Variants in GUCY1A2 observed in about 807,000 individuals in gnomAD.
GUCY1A2 encodes the protein guanylate cyclase 1 soluble subunit alpha 2, also known as guanylate cyclase soluble subunit alpha-2.
Under a neutral mutation model 63.5 loss-of-function variants are expected in GUCY1A2, and 27 were observed. The observed-to-expected ratio is 0.43, with a 90% CI of 0.31 to 0.59. The LOEUF (loss-of-function observed/expected upper bound fraction) is 0.59, where lower values mean the gene tolerates loss of function less well. Ranked by LOEUF, GUCY1A2 falls within the 20% of genes least tolerant of loss-of-function variation. The pLI is 0.11. For missense variants in GUCY1A2, 768 were observed against 913.3 expected (o/e 0.84, Z 2.05); for synonymous variants, 364 against 343.5 (o/e 1.06, Z -0.66).
rs2135323048 is a variant in GUCY1A2, at chr11:106,675,616, TTACA to T, written c.*11929_*11932del. ...TTTCTCAACCATATTTCTTCTATTTTTACAATCATTATTAAAATATTTCCCTAAA... is the reference window on the plus strand; with the variant it reads ...TTTCTCAACCATATTTCTTCTATTTTATCATTATTAAAATATTTCCCTAAA... On this transcript the variant is annotated 3_prime_UTR_variant, in exon 8 of 8. Transcript: ENST00000526355. 1.1e-5 allele frequency: 2 copies of T among 187,794 alleles called. No homozygotes were observed. Among genetic ancestry groups the T allele is most frequent in the African/African-American group, 4.7e-5 (2 of 42,914 alleles). 11.6% of individuals were successfully genotyped at this position (187,794 alleles called of 1,614,324 possible).
intron 4 of GUCY1A2, among the ~76,000 whole-genome samples, chr11:106,900,993 G>A (rs1860125112): frequency 6.6e-6 from 1 of 152,118 alleles, no homozygotes; most frequent in Non-Finnish European, 1.5e-5. Flanking sequence ...TTGCCATATT[G>A]ATTGACCCTT....
At chr11:106,900,287 G>A (rs1025838008) in intron 4 of GUCY1A2, among the ~76,000 whole-genome samples, 2 of 152,034 alleles carry the variant, frequency 1.3e-5, no homozygotes, top group African/African-American at 4.8e-5. Context: ...GGGCTCCAGA[G>A]AGCCTCCTAC....
chr11:106,791,232 G>A (rs887603642), intron 5 of GUCY1A2, among the ~76,000 whole-genome samples: 6 of 152,168 alleles, frequency 3.9e-5, no homozygotes, highest in South Asian at 4.1e-4. Flanking sequence ...ATTCAGCCTG[G>A]TTTTGCTTTC....
chr11:106,976,106 T>A (rs1861258305), intron 3 of GUCY1A2, among the ~76,000 whole-genome samples: 1 of 152,138 alleles, frequency 6.6e-6, no homozygotes, highest in Admixed American at 6.6e-5. Flanking sequence ...AACGAACACA[T>A]TTCCAGACTC....
At chr11:106,864,378 ACTTCCTCT>A (rs1859559934) in intron 4 of GUCY1A2, among the ~76,000 whole-genome samples, 1 of 152,054 alleles carries the variant, frequency 6.6e-6, no homozygotes, top group African/African-American at 2.4e-5. Flanking sequence ...AGACAATTTG[ACTTCCTCT>A]CTTCCTATTT....
At chr11:106,777,357 G>A (rs1864375582) in intron 5 of GUCY1A2, among the ~76,000 whole-genome samples, 1 of 148,888 alleles carries the variant, frequency 6.7e-6, no homozygotes, top group East Asian at 2.0e-4. Context: ...TGAGGCAGGA[G>A]AATCGCTTGA....
Position 106,683,091 on chromosome 11 carries a change from G to A in GUCY1A2, c.*4458C>T. On this transcript the variant is annotated 3_prime_UTR_variant, in exon 8 of 8. Coordinates refer to ENST00000526355, the MANE Select transcript of GUCY1A2 (RefSeq NM_000855.3). ...GTGTATGTTAAACCAGCTGGTTGTG[G>A]TTTAGGAACATTCATATCAAGAGCT... is the stretch of plus-strand genomic sequence containing the variant. The A allele has an allele frequency of 4.6e-6, 1 of 217,802 alleles. No homozygotes were observed. 13.5% of individuals were successfully genotyped at this position (217,802 alleles called of 1,614,324 possible).
At chr11:106,805,471 C>G (rs541804842) in intron 5 of GUCY1A2, among the ~76,000 whole-genome samples, 1 of 152,256 alleles carries the variant, frequency 6.6e-6, no homozygotes, top group South Asian at 2.1e-4. Flanking sequence ...GTCTCGAACT[C>G]CTGACCTCAG....
At chr11:106,707,440 T>C (rs1862936010) in intron 7 of GUCY1A2, among the ~76,000 whole-genome samples, 1 of 152,084 alleles carries the variant, frequency 6.6e-6, no homozygotes, top group Admixed American at 6.6e-5. Flanking sequence ...CTATTCCTAC[T>C]ATACATTTTT....
At chr11:106,767,005 G>A (rs1337157967) in intron 6 of GUCY1A2, among the ~76,000 whole-genome samples, 3 of 152,102 alleles carry the variant, frequency 2.0e-5, no homozygotes, top group Non-Finnish European at 1.5e-5. Flanking sequence ...CTAACTGCTT[G>A]GAAGTCTCAC....
intron 5 of GUCY1A2, among the ~76,000 whole-genome samples, chr11:106,789,846 C>T (rs1215695366): frequency 6.6e-6 from 1 of 152,120 alleles, no homozygotes; most frequent in Admixed American, 6.5e-5. Context: ...TTACTTTCTC[C>T]CAAACAATGG....
At chr11:107,002,317 G>T (rs867579596) in intron 1 of GUCY1A2, among the ~76,000 whole-genome samples, 1 of 151,486 alleles carries the variant, frequency 6.6e-6, no homozygotes, top group Non-Finnish European at 1.5e-5. Flanking sequence ...CTTTCTACCA[G>T]TATCAAAAAA....
At chr11:106,823,778 T>C (rs1331227513) in intron 4 of GUCY1A2, among the ~76,000 whole-genome samples, 1 of 152,170 alleles carries the variant, frequency 6.6e-6, no homozygotes, top group Non-Finnish European at 1.5e-5. Context: ...TGTATGATGA[T>C]GTCTTAGTGT....
In GUCY1A2 at chr11:107,018,018, G is replaced by A. The variant is rs1307734875; in HGVS notation, c.38C>T (p.Ser13Phe). 6.8e-7 allele frequency: 1 copy of A among 1,478,636 alleles called. No homozygotes were observed. Among genetic ancestry groups the A allele is most frequent in the Non-Finnish European group, 9.1e-7 (1 of 1,104,176 alleles). The allele number at this position is 1,478,636 out of a possible 1,614,324, so 91.6% of individuals were successfully genotyped here. The stretch of plus-strand genomic sequence containing the variant: ...GGTCTCCAGGTAGTCGGAGCCCAGG[G>A]AGCTGAAGGACTCGGACGAAATCTT... ...RRKISSESFS[S>F]LGSDYLETSP... The change falls in exon 1 of 8, where the codon TCC (serine) becomes TTC (phenylalanine). Residue 13 changes from serine (S) to phenylalanine (F), a missense_variant. Physicochemically the swap from Ser to Phe is radical, Grantham distance 155 (BLOSUM62 -2). This residue lies in a region of GUCY1A2 where 496 missense variants were observed against 486.9 expected (regional missense o/e 1.02). Transcript: ENST00000526355.
At chr11:106,949,683 T>C (rs1480762151) in intron 3 of GUCY1A2, among the ~76,000 whole-genome samples, 1 of 151,802 alleles carries the variant, frequency 6.6e-6, no homozygotes, top group Non-Finnish European at 1.5e-5. Context: ...AGACTTAACC[T>C]CTTGAAGAAG....
intron 3 of GUCY1A2, among the ~76,000 whole-genome samples, chr11:106,971,219 A>ATGTGTGTGTGTGTGTGTG (rs67190015): frequency 8.0e-5 from 12 of 149,272 alleles, no homozygotes; most frequent in African/African-American, 3.0e-4. Context: ...ACAAATTTAA[A>ATGTGTGTGTGTGTGTGTG]TGTGTGTGTG....
chr11:106,833,200 A>G (rs1295383530), intron 4 of GUCY1A2, among the ~76,000 whole-genome samples: 1 of 152,094 alleles, frequency 6.6e-6, no homozygotes, highest in Non-Finnish European at 1.5e-5. Flanking sequence ...TACTGGCCTC[A>G]TTGTAACTTG....
At chr11:106,795,501 TAATA>T (rs1864741135) in intron 5 of GUCY1A2, among the ~76,000 whole-genome samples, 1 of 152,198 alleles carries the variant, frequency 6.6e-6, no homozygotes, top group African/African-American at 2.4e-5. Flanking sequence ...AGCATTATCT[TAATA>T]GACAGCTTTC....
intron 7 of GUCY1A2, among the ~76,000 whole-genome samples, chr11:106,698,119 A>ATTTTTTTTTTTTT (rs71470827): frequency 0.012 from 1,254 of 100,398 alleles, 232 homozygotes; most frequent in African/African-American, 0.048. Context: ...GAATGTTAGA[A>ATTTTTTTTTTTTT]TTTTTTTTTT....
Sources: allele counts gnomAD v4.1 joint callset (sites outside exome capture counted in the v4.1 genomes callset), GRCh38; gene constraint gnomAD v4.1.1; regional missense constraint gnomAD v4.1.1; transcripts MANE v1.5; gene names NCBI Gene and HGNC (gene_info 2026-07-23, HGNC 2026-07-21).